Variants in BBS9 observed in about 807,000 individuals in gnomAD.
BBS9 encodes Bardet-Biedl syndrome 9, also known as protein PTHB1.
BBS9 carries 89 observed loss-of-function variants against 117.7 expected under a neutral mutation model. The ratio of observed to expected loss-of-function variants is 0.76; its 90% CI spans 0.64 to 0.90. BBS9 has a LOEUF of 0.90. Among genes scored for constraint, BBS9 ranks in the 40% least tolerant of loss-of-function variants. The probability of loss-of-function intolerance (pLI) is 0.00; values close to 1 mark genes in which losing one functional copy is unlikely to be tolerated. For missense variants in BBS9, 982 were observed against 1,042.2 expected, an observed-to-expected ratio of 0.94 and a Z score of 0.80; for synonymous variants, 379 against 370.9, an observed-to-expected ratio of 1.02 and a Z score of -0.25.
chr7:33,321,380 G>A (rs576409013), intron 9 of BBS9, among the ~76,000 whole-genome samples: 55 of 151,850 alleles, frequency 3.6e-4, no homozygotes, highest in Non-Finnish European at 6.5e-4. Context: ...ATATCTTTCC[G>A]TTTTTTTCTG....
intron 19 of BBS9, among the ~76,000 whole-genome samples, chr7:33,425,039 A>G (rs1023052157): frequency 6.6e-6 from 1 of 152,220 alleles, no homozygotes; most frequent in African/African-American, 2.4e-5. Flanking sequence ...TTTTACAGAC[A>G]AGAAACTGAG....
intron 17 of BBS9, among the ~76,000 whole-genome samples, chr7:33,370,524 A>G (rs943657822): frequency 6.6e-6 from 1 of 152,138 alleles, no homozygotes; most frequent in African/African-American, 2.4e-5. Context: ...CATTTCTGAA[A>G]ACTGTTATCA....
chr7:33,437,709 A>G (rs1246310264), intron 19 of BBS9, among the ~76,000 whole-genome samples: 1 of 152,014 alleles, frequency 6.6e-6, no homozygotes, highest in East Asian at 1.9e-4. Context: ...CTCCGTCTCT[A>G]CTAAAAATAA....
chr7:33,517,570 C>T (rs937545244), intron 20 of BBS9, among the ~76,000 whole-genome samples: 2 of 152,208 alleles, frequency 1.3e-5, no homozygotes, highest in African/African-American at 4.8e-5. Context: ...CAGCATACAC[C>T]CTTTATTGCT....
In BBS9 at chr7:33,484,548, T is replaced by C. The variant is rs202147320; in HGVS notation, c.2116-20915T>C. Among the ~76,000 whole-genome samples, 7 of 152,202 alleles carry C rather than the reference T, an allele frequency of 4.6e-5. No homozygotes were observed. The East Asian group carries it at 1.3e-3, about 29-fold the overall frequency. On this transcript the variant is annotated intron_variant, in intron 19 of 22. Transcript: ENST00000242067. ...CAACAAACAGGAAAAAAGCTCAACATCACTGGTCATTAGAGAAATGCAAGT... is the reference window on the plus strand; with the variant it reads ...CAACAAACAGGAAAAAAGCTCAACACCACTGGTCATTAGAGAAATGCAAGT...
intron 5 of BBS9, among the ~76,000 whole-genome samples, chr7:33,239,963 C>T (rs1031878814): frequency 1.3e-5 from 2 of 152,050 alleles, no homozygotes; most frequent in Non-Finnish European, 2.9e-5. Context: ...GATTGTGCCA[C>T]CGTACTCCAG....
intron 9 of BBS9, among the ~76,000 whole-genome samples, chr7:33,326,805 G>A (rs761034834): frequency 1.3e-5 from 2 of 151,940 alleles, no homozygotes; most frequent in South Asian, 4.2e-4. Flanking sequence ...ATGGGTACCC[G>A]AGGTCTCTGC....
intron 7 of BBS9, among the ~76,000 whole-genome samples, chr7:33,271,597 TA>T (rs1799809916): frequency 6.6e-6 from 1 of 151,954 alleles, no homozygotes; most frequent in Admixed American, 6.5e-5. Context: ...CAACAAAGAC[TA>T]AAAAAGACAA....
rs1469312805 is a variant in BBS9, at chr7:33,237,797, G to C, written c.443-19439G>C. Reference sequence around the variant, plus strand: ...AAGATTCAGGAGTTATCAGCTCTAGGTATGCTTCTCAGTAATGGATGCTTA... The same window carrying C: ...AAGATTCAGGAGTTATCAGCTCTAGCTATGCTTCTCAGTAATGGATGCTTA... On this transcript the variant is annotated intron_variant, in intron 5 of 22. Coordinates refer to ENST00000242067, the MANE Select transcript of BBS9 (RefSeq NM_198428.3). Among the ~76,000 whole-genome samples the C allele has an allele frequency of 2.0e-5, 3 of 152,138 alleles. No homozygotes were observed. In the South Asian group the frequency reaches 6.2e-4, roughly 31 times the overall value.
At chr7:33,597,839 A>C (rs2129192066) in intron 21 of BBS9, among the ~76,000 whole-genome samples, 1 of 150,888 alleles carries the variant, frequency 6.6e-6, no homozygotes, top group East Asian at 1.9e-4. Context: ...CTTTGATTCC[A>C]CCAAAAAAAT....
At chr7:33,545,179 C>T (rs953627943) in intron 21 of BBS9, among the ~76,000 whole-genome samples, 2 of 152,146 alleles carry the variant, frequency 1.3e-5, no homozygotes, top group Non-Finnish European at 2.9e-5. Context: ...TCTGCATGCC[C>T]GATTTGTGCC....
intron 4 of BBS9, among the ~76,000 whole-genome samples, chr7:33,165,302 G>A (rs1050384153): frequency 6.6e-6 from 1 of 152,094 alleles, no homozygotes; most frequent in Non-Finnish European, 1.5e-5. Flanking sequence ...TGACAATTAT[G>A]TGTCTTGGGT....
At position 33,386,684 on chromosome 7, in the gene BBS9, C is replaced by T. The variant is rs1027789922; in HGVS notation, c.1963-1308C>T. Among the ~76,000 whole-genome samples, 8 of 151,620 alleles carry T rather than the reference C, an allele frequency of 5.3e-5. No individual in the cohort carries two copies. In the East Asian group the frequency reaches 1.4e-3, roughly 26 times the overall value. ...TTTTTGTATTTTTTTTTAGTAGAGA[C>T]GGGGTTTCACTGTGTTAGCCAGGAT... On this transcript the variant is annotated intron_variant, in intron 18 of 22. Transcript: ENST00000242067.
chr7:33,249,955 A>G (rs1042848929), intron 5 of BBS9, among the ~76,000 whole-genome samples: 1 of 152,144 alleles, frequency 6.6e-6, no homozygotes, highest in African/African-American at 2.4e-5. Flanking sequence ...TCCAGGGTGC[A>G]TCGTATCTGT....
chr7:33,202,700 T>C (rs1411488084), intron 5 of BBS9, among the ~76,000 whole-genome samples: 2 of 152,058 alleles, frequency 1.3e-5, no homozygotes, highest in Admixed American at 6.5e-5. Context: ...ACTCACTCAT[T>C]TTCATGAAAG....
chr7:33,551,311 A>G (rs963059852), intron 21 of BBS9, among the ~76,000 whole-genome samples: 3 of 152,198 alleles, frequency 2.0e-5, no homozygotes, highest in Non-Finnish European at 4.4e-5. Context: ...CTGGGTTTCA[A>G]AGAAAAATAA....
chr7:33,544,694 C>T (rs369433927), intron 21 of BBS9, among the ~76,000 whole-genome samples: 1 of 152,114 alleles, frequency 6.6e-6, no homozygotes, highest in East Asian at 1.9e-4. Flanking sequence ...TGGTACTTTC[C>T]AGAAAGCATC....
At chr7:33,550,684 G>A (rs986369142) in intron 21 of BBS9, among the ~76,000 whole-genome samples, 1 of 152,050 alleles carries the variant, frequency 6.6e-6, no homozygotes, top group African/African-American at 2.4e-5. Flanking sequence ...CAATTTTAGT[G>A]TGTTTATTCC....
At chr7:33,387,919 ATT>A (rs1826319763) in intron 18 of BBS9, 71 bp from the exon 19 acceptor site, 1 of 1,483,286 alleles carries the variant, frequency 6.7e-7, no homozygotes. Context: ...TTTTATTATC[ATT>A]GTGTGTATTT....
Sources: gnomAD v4.1 joint callset for allele counts (sites outside exome capture counted in the v4.1 genomes callset) on GRCh38, gnomAD v4.1.1 for gene constraint, MANE v1.5 for transcripts, NCBI Gene and HGNC (gene_info 2026-07-23, HGNC 2026-07-21) for gene names.